The following GALNT10 variants were observed in gnomAD, a reference collection of about 807,000 sequenced individuals.
GALNT10 encodes the protein polypeptide N-acetylgalactosaminyltransferase 10.
GALNT10 carries 41 observed loss-of-function variants against 75.0 expected under a neutral mutation model. The ratio of observed to expected loss-of-function variants is 0.55; its 90% CI spans 0.43 to 0.71. The LOEUF (loss-of-function observed/expected upper bound fraction) is 0.71, where lower values mean the gene tolerates loss of function less well. Among genes scored for constraint, GALNT10 ranks in the 30% least tolerant of loss-of-function variants. The pLI is 0.00. For missense variants in GALNT10, 727 were observed against 818.5 expected, an observed-to-expected ratio of 0.89 and a Z score of 1.36; for synonymous variants, 302 against 313.0, an observed-to-expected ratio of 0.96 and a Z score of 0.37.
At chr5:154,249,936 G>A (rs1753488704) in intron 1 of GALNT10, among the ~76,000 whole-genome samples, 1 of 152,318 alleles carries the variant, frequency 6.6e-6, no homozygotes, top group South Asian at 2.1e-4. Context: ...GGCATGAGCA[G>A]CATCAGGCCT....
intron 4 of GALNT10, chr5:154,337,515 T>A (rs1402399564): frequency 1.1e-5 from 8 of 738,374 alleles, no homozygotes; most frequent in Non-Finnish European, 2.0e-5. Flanking sequence ...AGAACTGCCA[T>A]AGGCACCTTG....
intron 1 of GALNT10, among the ~76,000 whole-genome samples, chr5:154,292,264 A>G (rs879493235): frequency 3.9e-5 from 6 of 152,156 alleles, no homozygotes; most frequent in Non-Finnish European, 7.4e-5. Flanking sequence ...TAAAACACGG[A>G]TTGCTGGGCC....
rs1411955196 is a variant in GALNT10, at chr5:154,376,998, G to GTC, written c.754+537_754+538dup. Among the ~76,000 whole-genome samples the GTC allele has an allele frequency of 6.6e-6, 1 of 152,194 alleles. No individual in the cohort carries two copies. The highest frequency in any genetic ancestry group is 1.5e-5 in the Non-Finnish European group (1 of 68,030). On this transcript the variant is annotated intron_variant, in intron 5 of 11. Coordinates refer to ENST00000297107, the MANE Select transcript of GALNT10 (RefSeq NM_198321.4). This position sits in a 1 kb window ranked among gnomAD's most constrained non-coding sequence, Gnocchi z 4.1. ...GTCCCCTTGAGCCATAAGTGTCAAA[G>GTC]TCACCATCTGTCGGGCTCCAAAGTC...
At chr5:154,266,279 A>G (rs929448555) in intron 1 of GALNT10, among the ~76,000 whole-genome samples, 1 of 152,260 alleles carries the variant, frequency 6.6e-6, no homozygotes, top group Middle Eastern at 3.4e-3. Context: ...CAGACCTCCA[A>G]TTAGGTCTTT....
chr5:154,212,767 G>A (rs977212117), intron 1 of GALNT10, among the ~76,000 whole-genome samples: 1 of 152,054 alleles, frequency 6.6e-6, no homozygotes, highest in Non-Finnish European at 1.5e-5. Context: ...AGGAGATTGA[G>A]ACCATCCTGG....
chr5:154,243,338 TA>T, intron 1 of GALNT10, among the ~76,000 whole-genome samples: 1 of 152,356 alleles, frequency 6.6e-6, no homozygotes, highest in Middle Eastern at 3.4e-3. Flanking sequence ...AGAAATGCAA[TA>T]TTTGTTGAAC....
chr5:154,218,322 T>G (rs990448904), intron 1 of GALNT10, among the ~76,000 whole-genome samples: 2 of 152,146 alleles, frequency 1.3e-5, no homozygotes, highest in African/African-American at 4.8e-5. Flanking sequence ...GAGAGACATT[T>G]TAATTAATTA....
At chr5:154,306,393 C>T (rs531796968) in intron 3 of GALNT10, among the ~76,000 whole-genome samples, 4 of 152,088 alleles carry the variant, frequency 2.6e-5, no homozygotes, top group South Asian at 2.1e-4. Flanking sequence ...ACTTTCCAAA[C>T]GATTAGAAAG....
At chr5:154,252,313 C>T (rs1753535663) in intron 1 of GALNT10, among the ~76,000 whole-genome samples, 1 of 152,094 alleles carries the variant, frequency 6.6e-6, no homozygotes, top group Non-Finnish European at 1.5e-5. Context: ...TGATGTTTCT[C>T]CAATCAGTTT....
chr5:154,291,526 A>C (rs1754195280), intron 1 of GALNT10, among the ~76,000 whole-genome samples: 1 of 152,174 alleles, frequency 6.6e-6, no homozygotes, highest in South Asian at 2.1e-4. Context: ...CTTCTCCTTC[A>C]CATCCTGATG....
chr5:154,305,516 A>G (rs35045500), intron 3 of GALNT10, among the ~76,000 whole-genome samples: 47,540 of 152,138 alleles, frequency 0.31, 7,771 homozygotes, highest in Non-Finnish European at 0.35. Flanking sequence ...AAAAGACAGA[A>G]AAGATATACC....
At chr5:154,408,014 T>A (rs1756316553) in intron 8 of GALNT10, among the ~76,000 whole-genome samples, 1 of 152,194 alleles carries the variant, frequency 6.6e-6, no homozygotes, top group Admixed American at 6.5e-5. Flanking sequence ...GAATGGTTTT[T>A]ACATTTTTAA....
chr5:154,383,454 G>C (rs772694772), intron 6 of GALNT10, among the ~76,000 whole-genome samples: 4 of 152,228 alleles, frequency 2.6e-5, no homozygotes, highest in Non-Finnish European at 4.4e-5. Flanking sequence ...GAGAGCTGGA[G>C]ATGGTGTCAG....
At chr5:154,375,424 G>A (rs1305876869) in intron 4 of GALNT10, among the ~76,000 whole-genome samples, 2 of 152,194 alleles carry the variant, frequency 1.3e-5, no homozygotes, top group African/African-American at 4.8e-5. Flanking sequence ...AGGAGAAAGA[G>A]ACTGTCTTTG....
chr5:154,215,246 G>T (rs922064222), intron 1 of GALNT10, among the ~76,000 whole-genome samples: 2 of 152,048 alleles, frequency 1.3e-5, no homozygotes, highest in South Asian at 4.1e-4. Context: ...ACTTTGGGAG[G>T]CTGAGGCGGG....
intron 6 of GALNT10, among the ~76,000 whole-genome samples, chr5:154,385,130 G>C (rs1008351186): frequency 6.6e-6 from 1 of 152,184 alleles, no homozygotes; most frequent in Non-Finnish European, 1.5e-5. Context: ...GGGACCAGGA[G>C]GGGGAATGGA....
rs761825866 is a variant in GALNT10 at position 154,376,427 on chromosome 5, G to C, written c.719G>C (p.Cys240Ser). Residue 240 changes from cysteine (C) to serine (S), a missense_variant, in exon 5 of 12, where the codon TGT becomes TCT. Transcript: ENST00000297107. This position sits in a 1 kb window ranked among gnomAD's most constrained non-coding sequence, Gnocchi z 4.1. ...GDVITFLDSH[C>S]EANVNWLPPL... ...GTCATCACATTCTTGGATTCACACTGTGAAGCCAATGTCAACTGGCTTCCC... is the reference window on the plus strand; with the variant it reads ...GTCATCACATTCTTGGATTCACACTCTGAAGCCAATGTCAACTGGCTTCCC... 7 of 1,592,044 alleles carry C rather than the reference G, an allele frequency of 4.4e-6. No individual in the cohort carries two copies. Among genetic ancestry groups the C allele is most frequent in the Admixed American group, 1.9e-5 (1 of 53,954 alleles).
intron 7 of GALNT10, among the ~76,000 whole-genome samples, chr5:154,399,769 T>TA (rs1022318865): frequency 1.1e-4 from 17 of 152,100 alleles, no homozygotes; most frequent in African/African-American, 3.9e-4. Context: ...CAATGGCAAA[T>TA]ACAACAGATG....
intron 7 of GALNT10, among the ~76,000 whole-genome samples, chr5:154,398,150 G>C (rs1487501545): frequency 6.6e-6 from 1 of 152,246 alleles, no homozygotes; most frequent in Admixed American, 6.5e-5. Context: ...GGCAGTGAAA[G>C]GGTCCTGGAA....
Sources: gnomAD v4.1 joint callset for allele counts (sites outside exome capture counted in the v4.1 genomes callset) on GRCh38, gnomAD v4.1.1 for gene constraint, Gnocchi (gnomAD v3.1) non-coding constraint, MANE v1.5 for transcripts, NCBI Gene and HGNC (gene_info 2026-07-23, HGNC 2026-07-21) for gene names.